CPED1: variants seen among roughly 807,000 people sequenced by gnomAD.
CPED1 encodes cadherin-like and PC-esterase domain-containing protein 1.
In CPED1, 114 loss-of-function variants were observed where a neutral mutation model predicts 128.2. That is an observed-to-expected ratio of 0.89 (90% confidence interval 0.76 to 1.04). The LOEUF is 1.04. CPED1 is among the 50% of genes least tolerant of loss of function. The pLI, the probability that CPED1 is intolerant of heterozygous loss-of-function variation, is 0.00. For synonymous variants in CPED1, 462 were observed against 426.7 expected (o/e 1.08, Z -1.02); for missense variants, 1,211 against 1,207.1 (o/e 1.00, Z -0.05).
chr7:121,134,512 T>G (rs777240164), intron 13 of CPED1, among the ~76,000 whole-genome samples: 10 of 151,960 alleles, frequency 6.6e-5, no homozygotes, highest in Admixed American at 6.6e-4. Context: ...GAAGAAAAAG[T>G]TCTGTTGTTC....
At chr7:121,075,346 T>C (rs985368860) in intron 5 of CPED1, among the ~76,000 whole-genome samples, 7 of 152,232 alleles carry the variant, frequency 4.6e-5, no homozygotes, top group Non-Finnish European at 1.0e-4. Flanking sequence ...AAAATTATTA[T>C]AGTAGTATGG....
At position 121,284,799 on chromosome 7, in the gene CPED1, C is replaced by T. The variant is rs182092545; in HGVS notation, c.2869-10641C>T. Among the ~76,000 whole-genome samples the T allele has an allele frequency of 8.4e-3, 1,275 of 152,350 alleles. 19 individuals are homozygous for T. Among genetic ancestry groups the T allele is most frequent in the African/African-American group, 0.028 (1,169 of 41,588 alleles). ...CAGGGTACAGCCTCCCTCCCAGCTGCTTTTACAGGATGGCGTTGAGTGTCT... is the reference window on the plus strand; with the variant it reads ...CAGGGTACAGCCTCCCTCCCAGCTGTTTTTACAGGATGGCGTTGAGTGTCT... On this transcript the variant is annotated intron_variant, in intron 22 of 22. Coordinates refer to ENST00000310396, the MANE Select transcript of CPED1 (RefSeq NM_024913.5).
intron 16 of CPED1, among the ~76,000 whole-genome samples, chr7:121,235,794 G>C (rs568201082): frequency 4.3e-4 from 65 of 152,230 alleles, no homozygotes; most frequent in Non-Finnish European, 6.9e-4. Context: ...AGGAAACAAA[G>C]GGGGAGCTGA....
chr7:121,098,575 T>C (rs1794755148), intron 6 of CPED1, among the ~76,000 whole-genome samples: 1 of 150,660 alleles, frequency 6.6e-6, no homozygotes, highest in South Asian at 2.1e-4. Context: ...ATACAAAAAA[T>C]AGAAAAATTA....
chr7:121,124,888 A>G (rs193122637), intron 8 of CPED1, among the ~76,000 whole-genome samples: 107 of 152,318 alleles, frequency 7.0e-4, no homozygotes, highest in African/African-American at 2.0e-3. Context: ...AGAAAATTCA[A>G]TAACTCCTAT....
intron 7 of CPED1, among the ~76,000 whole-genome samples, chr7:121,104,548 A>G (rs1794925535): frequency 6.6e-6 from 1 of 152,112 alleles, no homozygotes; most frequent in Non-Finnish European, 1.5e-5. Flanking sequence ...TTTTTATGAA[A>G]ATGTATCGCT....
intron 16 of CPED1, among the ~76,000 whole-genome samples, chr7:121,235,328 TAGTC>T (rs1222421517): frequency 2.6e-5 from 4 of 152,150 alleles, no homozygotes; most frequent in Admixed American, 6.6e-5. Context: ...TTTCTAATTT[TAGTC>T]AGTATCTTAA....
Position 121,015,688 on chromosome 7 carries a change from C to G in CPED1, c.273C>G (p.His91Gln), listed in dbSNP as rs754217477. Residue 91 changes from histidine to glutamine, a missense_variant, in exon 3 of 23, where the codon CAC (histidine) becomes CAG (glutamine). His to Gln is a conservative substitution (Grantham distance 24). Coordinates refer to ENST00000310396, the MANE Select transcript of CPED1 (RefSeq NM_024913.5). ...AGGTCAAAGAATCAATGGAGACACACTTTGGCAGCCATGGCCGAAGGGCCA... is the reference window on the plus strand; with the variant it reads ...AGGTCAAAGAATCAATGGAGACACAGTTTGGCAGCCATGGCCGAAGGGCCA... ...TRKVKESMET[H>Q]FGSHGRRAIL... is the part of the protein sequence containing the mutation. 6.2e-7 allele frequency: 1 copy of G among 1,601,442 alleles called. No individual in the cohort carries two copies. The highest frequency in any genetic ancestry group is 1.1e-5 in the South Asian group (1 of 88,320).
At position 121,136,083 on chromosome 7, in the gene CPED1, C is replaced by G; in HGVS notation, c.1692C>G (p.Cys564Trp). Residue 564 changes from cysteine to tryptophan, a missense_variant, in exon 14 of 23, where the codon TGC becomes TGG. Physicochemically the swap from Cys to Trp is radical, Grantham distance 215. Coordinates refer to ENST00000310396, the MANE Select transcript of CPED1 (RefSeq NM_024913.5). ...QIKNENKEIHCSDDENTPCHI... is the reference protein window; with the variant it reads ...QIKNENKEIHWSDDENTPCHI... ...AAAATGAAAATAAAGAAATACATTGCAGTGATGGTGAGTTGAGATTAAAGT... is the reference window on the plus strand; with the variant it reads ...AAAATGAAAATAAAGAAATACATTGGAGTGATGGTGAGTTGAGATTAAAGT... The G allele has an allele frequency of 6.5e-7, 1 of 1,540,718 alleles. No homozygotes were observed. Among genetic ancestry groups the G allele is most frequent in the African/African-American group, 1.4e-5 (1 of 70,526 alleles).
At chr7:121,000,075 C>T (rs1791796374) in intron 2 of CPED1, among the ~76,000 whole-genome samples, 2 of 152,176 alleles carry the variant, frequency 1.3e-5, no homozygotes, top group Admixed American at 1.3e-4. Context: ...GCACTAAATA[C>T]ACTGACATTA....
At chr7:121,250,121 C>G (rs1237817475) in intron 18 of CPED1, among the ~76,000 whole-genome samples, 1 of 152,220 alleles carries the variant, frequency 6.6e-6, no homozygotes. Flanking sequence ...AACAAACTGT[C>G]TCTCAGACCA....
At chr7:121,088,763 C>CAAAAAAAAAAA (rs71170226) in intron 5 of CPED1, among the ~76,000 whole-genome samples, 39 of 53,804 alleles carry the variant, frequency 7.2e-4, no homozygotes, top group Admixed American at 1.7e-3. Flanking sequence ...CAAAAATTGG[C>CAAAAAAAAAAA]AAAAAAAAAA....
chr7:121,126,013 C>A, intron 9 of CPED1, 121 bp downstream of exon 9: 1 of 703,422 alleles, frequency 1.4e-6, no homozygotes, highest in Non-Finnish European at 2.5e-6. Context: ...TGCAAAAGTA[C>A]TGTAGGCTTA....
In CPED1 at chr7:121,128,575, TTAAG is replaced by T; in HGVS notation, c.1407+92_1407+95del. ...TACCTGATTTTGACATCAAACTAGATTAAGTATTTCTTTAAGAAATAGAAATCTT... is the reference window on the plus strand; with the variant it reads ...TACCTGATTTTGACATCAAACTAGATTATTTCTTTAAGAAATAGAAATCTT... On this transcript the variant is annotated intron_variant, in intron 11 of 22. Transcript: ENST00000310396. 3 of 716,880 alleles carry T rather than the reference TTAAG, an allele frequency of 4.2e-6. No homozygotes were observed. The South Asian group carries it at 5.2e-5, about 12-fold the overall frequency. The allele number at this position is 716,880 out of a possible 1,614,324, so 44.4% of individuals were successfully genotyped here. A position where few individuals can be genotyped will look rare whatever the true frequency, so the allele number is the denominator to read the frequency against.
intron 3 of CPED1, among the ~76,000 whole-genome samples, chr7:121,039,818 T>C (rs1484302294): frequency 2.0e-5 from 3 of 152,088 alleles, no homozygotes; most frequent in Admixed American, 6.6e-5. Flanking sequence ...AGTAAACTCA[T>C]TGATTTCCTT....
intron 18 of CPED1, among the ~76,000 whole-genome samples, chr7:121,251,036 C>T (rs1486818363): frequency 6.6e-6 from 1 of 152,182 alleles, no homozygotes; most frequent in Non-Finnish European, 1.5e-5. Flanking sequence ...AGACCAATAT[C>T]CTTGATGAAC....
intron 14 of CPED1, among the ~76,000 whole-genome samples, chr7:121,140,391 A>G (rs773133802): frequency 6.6e-6 from 1 of 151,992 alleles, no homozygotes; most frequent in Admixed American, 6.6e-5. Flanking sequence ...TGGTATTTCA[A>G]TGACACTCCA....
At chr7:121,122,052 C>T (rs892040948) in intron 7 of CPED1, among the ~76,000 whole-genome samples, 1 of 151,752 alleles carries the variant, frequency 6.6e-6, no homozygotes, top group Non-Finnish European at 1.5e-5. Flanking sequence ...ATGAAGCACT[C>T]GCGTGATTCT....
At chr7:121,045,774 G>C (rs1388524302) in intron 3 of CPED1, among the ~76,000 whole-genome samples, 1 of 151,976 alleles carries the variant, frequency 6.6e-6, no homozygotes, top group African/African-American at 2.4e-5. Context: ...TCCAAAATGA[G>C]GACTATTTCC....
Sources: gnomAD v4.1 joint callset for allele counts (sites outside exome capture counted in the v4.1 genomes callset) on GRCh38, gnomAD v4.1.1 for gene constraint, MANE v1.5 for transcripts, NCBI Gene and HGNC (gene_info 2026-07-23, HGNC 2026-07-21) for gene names.